OR56A3: variants seen among roughly 807,000 people sequenced by gnomAD.
The protein encoded by OR56A3 is olfactory receptor 56A3.
OR56A3 carries 23 observed loss-of-function variants against 17.5 expected under a neutral mutation model. The ratio of observed to expected loss-of-function variants is 1.32; its 90% CI spans 0.95 to 1.87. OR56A3 has a LOEUF of 1.87. Ranked by LOEUF, OR56A3 falls within the 40% of genes most tolerant of loss-of-function variation. The pLI is 0.00. For synonymous variants in OR56A3, 175 were observed against 150.6 expected (o/e 1.16, Z -1.19); for missense variants, 366 against 380.1 (o/e 0.96, Z 0.31).
At chr11:6,017,471 C>T in the OR56A3 span, among the ~76,000 whole-genome samples, 2 of 152,146 alleles carry the variant, frequency 1.3e-5, no homozygotes, top group Non-Finnish European at 2.9e-5. Context: ...GGGTAGATTT[C>T]TCAGCAGAAA....
chr11:6,010,811 A>G, the OR56A3 span, among the ~76,000 whole-genome samples: 1 of 139,758 alleles, frequency 7.2e-6, no homozygotes, highest in South Asian at 2.2e-4. Flanking sequence ...CTAGTTCAAG[A>G]CAGAAATGTG....
At chr11:6,000,678 A>G in the OR56A3 span, 1 of 152,218 alleles carries the variant, frequency 6.6e-6, no homozygotes, top group East Asian at 1.9e-4. Context: ...GATAATGGTA[A>G]AAGAAGGCTG....
chr11:5,983,524 A>C, the OR56A3 span, among the ~76,000 whole-genome samples: 1 of 151,990 alleles, frequency 6.6e-6, no homozygotes, highest in African/African-American at 2.4e-5. Context: ...CCCCCATGTG[A>C]CATTAGCAAT....
At chr11:6,018,737 G>A in the OR56A3 span, among the ~76,000 whole-genome samples, 1 of 128,428 alleles carries the variant, frequency 7.8e-6, no homozygotes. Context: ...AAAATAAAGT[G>A]AAAATTTGAT....
chr11:5,952,264 C>T (rs11039856), downstream of OR56A3, among the ~76,000 whole-genome samples: 33,989 of 152,070 alleles, frequency 0.22, 4,345 homozygotes, highest in Non-Finnish European at 0.29. Context: ...AAGGTAGACC[C>T]AAATCTAGAA....
At chr11:5,961,189 C>T in the OR56A3 span, among the ~76,000 whole-genome samples, 7 of 151,856 alleles carry the variant, frequency 4.6e-5, no homozygotes, top group South Asian at 6.2e-4. Flanking sequence ...CCCCTCTGCC[C>T]GGCCACCCCG....
the OR56A3 span, among the ~76,000 whole-genome samples, chr11:5,982,820 G>A: frequency 6.6e-6 from 1 of 152,128 alleles, no homozygotes; most frequent in Admixed American, 6.5e-5. Flanking sequence ...GATTCCAGAG[G>A]TACATGGAGA....
intron 1 of OR56A3, among the ~76,000 whole-genome samples, chr11:5,942,777 A>T (rs1035924608): frequency 6.6e-6 from 1 of 152,274 alleles, no homozygotes; most frequent in Admixed American, 6.5e-5. Context: ...GCTACCTGTC[A>T]CTGGATGCAC....
the OR56A3 span, among the ~76,000 whole-genome samples, chr11:5,961,460 G>A: frequency 6.6e-6 from 1 of 152,156 alleles, no homozygotes; most frequent in Admixed American, 6.5e-5. Context: ...CCAACCCTGT[G>A]CTCTCTGAAA....
At chr11:5,979,392 T>C in the OR56A3 span, among the ~76,000 whole-genome samples, 3 of 152,016 alleles carry the variant, frequency 2.0e-5, no homozygotes, top group South Asian at 4.1e-4. Flanking sequence ...CTGAGTCAAA[T>C]TTGGAACTCA....
the OR56A3 span, among the ~76,000 whole-genome samples, chr11:6,008,370 T>C: frequency 6.6e-6 from 1 of 152,156 alleles, no homozygotes; most frequent in Non-Finnish European, 1.5e-5. Context: ...TTAGTAGACA[T>C]GCTAAATGAA....
the OR56A3 span, chr11:5,995,032 C>A: frequency 2.8e-5 from 18 of 641,290 alleles, no homozygotes; most frequent in Middle Eastern, 8.8e-4. Context: ...GATCCGGGAA[C>A]CTGAGGCCCC....
chr11:5,975,676 A>C, the OR56A3 span, among the ~76,000 whole-genome samples: 1 of 151,992 alleles, frequency 6.6e-6, no homozygotes, highest in South Asian at 2.1e-4. Context: ...ATACGTGTGC[A>C]TGTGTCTTTA....
the OR56A3 span, chr11:5,986,704 G>T: frequency 6.2e-7 from 1 of 1,613,976 alleles, no homozygotes; most frequent in Non-Finnish European, 8.5e-7. Flanking sequence ...GAGGTACATA[G>T]ATTGGTGCAA....
At chr11:5,971,261 A>G in the OR56A3 span, among the ~76,000 whole-genome samples, 1 of 152,156 alleles carries the variant, frequency 6.6e-6, no homozygotes, top group Admixed American at 6.5e-5. Flanking sequence ...AAATGAAGAG[A>G]ATGTCTTAGA....
At chr11:5,987,477 T>G in the OR56A3 span, among the ~76,000 whole-genome samples, 1 of 152,230 alleles carries the variant, frequency 6.6e-6, no homozygotes. Context: ...TCTTCCAAAT[T>G]TATGTCTGTT....
chr11:5,994,632 C>T, the OR56A3 span: 10 of 778,560 alleles, frequency 1.3e-5, no homozygotes, highest in Admixed American at 3.4e-5. Context: ...TCGCTCTTCA[C>T]AGACTGGCAC....
At chr11:6,010,261 C>G in the OR56A3 span, among the ~76,000 whole-genome samples, 1 of 152,128 alleles carries the variant, frequency 6.6e-6, no homozygotes, top group Admixed American at 6.5e-5. Context: ...TTTTGAAATG[C>G]TACCTTATGA....
the OR56A3 span, among the ~76,000 whole-genome samples, chr11:5,974,340 C>T: frequency 6.6e-6 from 1 of 152,002 alleles, no homozygotes; most frequent in Non-Finnish European, 1.5e-5. Context: ...CTCCTGACCT[C>T]GTGATCCGCC....
Sources: gnomAD v4.1 joint callset for allele counts (sites outside exome capture counted in the v4.1 genomes callset) on GRCh38, gnomAD v4.1.1 for gene constraint, MANE v1.5 for transcripts, NCBI Gene and HGNC (gene_info 2026-07-23, HGNC 2026-07-21) for gene names.